SPHKAP: variants seen among roughly 807,000 people sequenced by gnomAD.
SPHKAP encodes A-kinase anchor protein SPHKAP.
In SPHKAP, 67 loss-of-function variants were observed where a neutral mutation model predicts 137.5. The observed-to-expected ratio is 0.49, with a 90% CI of 0.40 to 0.60. SPHKAP has a LOEUF of 0.60. Ranked by LOEUF, SPHKAP falls within the 20% of genes least tolerant of loss-of-function variation. SPHKAP has a pLI of 0.00. For missense variants in SPHKAP, 2,097 were observed against 2,069.3 expected, an observed-to-expected ratio of 1.01 and a Z score of -0.26; for synonymous variants, 813 against 785.3, an observed-to-expected ratio of 1.04 and a Z score of -0.59.
intron 7 of SPHKAP, among the ~76,000 whole-genome samples, chr2:227,999,014 T>C (rs560402144): frequency 1.3e-5 from 2 of 152,342 alleles, no homozygotes; most frequent in South Asian, 2.1e-4. Flanking sequence ...GAATTAGTAC[T>C]GTTATCCGTT....
At chr2:228,072,320 T>C (rs1445990773) in intron 3 of SPHKAP, among the ~76,000 whole-genome samples, 1 of 152,190 alleles carries the variant, frequency 6.6e-6, no homozygotes, top group East Asian at 1.9e-4. Context: ...TTGTCTACTA[T>C]AAGTGTCTAC....
chr2:228,143,517 T>TG (rs533793528), intron 1 of SPHKAP, among the ~76,000 whole-genome samples: 72 of 152,030 alleles, frequency 4.7e-4, no homozygotes, highest in African/African-American at 1.6e-3. Context: ...ATTTTTGAGA[T>TG]GGGGGTCTCA....
At chr2:227,995,397 T>A in intron 8 of SPHKAP, 112 bp downstream of exon 8, 1 of 1,326,956 alleles carries the variant, frequency 7.5e-7, no homozygotes, top group Non-Finnish European at 1.1e-6. Flanking sequence ...TTCCTTTTTT[T>A]GTTCTCTCCT....
Position 228,181,429 on chromosome 2 carries a change from A to T in SPHKAP, c.32+138T>A. On this transcript the variant is annotated intron_variant, in intron 1 of 11. Transcript: ENST00000392056. The surrounding 1 kb of genome is among the most constrained non-coding windows in gnomAD (Gnocchi z 4.3). The stretch of plus-strand genomic sequence containing the variant: ...CAGCGAGGCTGGGCCGGACTTATTT[A>T]CAAGTGCAGTGACCCCTGTCTCCTC... 1 of 1,204,566 alleles carries T rather than the reference A, an allele frequency of 8.3e-7. No homozygotes were observed. Among genetic ancestry groups the T allele is most frequent in the Non-Finnish European group, 1.2e-6 (1 of 815,916 alleles). 74.6% of individuals were successfully genotyped at this position (1,204,566 alleles called of 1,614,324 possible).
chr2:228,089,653 G>A (rs1186869682), intron 3 of SPHKAP, among the ~76,000 whole-genome samples: 1 of 152,194 alleles, frequency 6.6e-6, no homozygotes, highest in Admixed American at 6.5e-5. Flanking sequence ...AGGAAAGAAA[G>A]GCTTCAGGGG....
At chr2:227,990,961 C>A in intron 11 of SPHKAP, 39 bp downstream of exon 11, 1 of 1,602,114 alleles carries the variant, frequency 6.2e-7, no homozygotes, top group Non-Finnish European at 8.5e-7. Context: ...GTGATGAAAA[C>A]ACAAAGCTTT....
In SPHKAP at chr2:228,017,570, G is replaced by T; in HGVS notation, c.3284C>A (p.Ala1095Asp). ...SIPEEDSEAR[A>D]YVNSLGLMST... ...CATTAAGCCCAGGCTGTTGACATAGGCCCTGGCCTCGGAGTCTTCCTCAGG... is the reference window on the plus strand; with the variant it reads ...CATTAAGCCCAGGCTGTTGACATAGTCCCTGGCCTCGGAGTCTTCCTCAGG... Residue 1095 changes from alanine to aspartate, a missense_variant, in exon 7 of 12, where the codon GCC (alanine) becomes GAC (aspartate). Coordinates refer to ENST00000392056, the MANE Select transcript of SPHKAP (RefSeq NM_001142644.2). The T allele has an allele frequency of 6.2e-7, 1 of 1,613,744 alleles. No individual in the cohort carries two copies. Among genetic ancestry groups the T allele is most frequent in the Non-Finnish European group, 8.5e-7 (1 of 1,180,010 alleles).
chr2:228,107,896 G>C (rs1375098841), intron 3 of SPHKAP, among the ~76,000 whole-genome samples: 1 of 152,100 alleles, frequency 6.6e-6, no homozygotes, highest in African/African-American at 2.4e-5. Flanking sequence ...CTAAACAAAG[G>C]GATTGACTTA....
At chr2:228,012,002 A>T (rs1402284386) in intron 7 of SPHKAP, among the ~76,000 whole-genome samples, 1 of 151,904 alleles carries the variant, frequency 6.6e-6, no homozygotes, top group African/African-American at 2.4e-5. Context: ...CTCCATCTCC[A>T]CAAAAAAATT....
At chr2:228,041,495 A>G (rs1217188051) in intron 3 of SPHKAP, among the ~76,000 whole-genome samples, 1 of 151,910 alleles carries the variant, frequency 6.6e-6, no homozygotes, top group African/African-American at 2.4e-5. Context: ...AAATACAAAA[A>G]TTAGCCAGGC....
At position 228,061,736 on chromosome 2, in the gene SPHKAP, T is replaced by TATAC. The variant is rs1553536204; in HGVS notation, c.247-34194_247-34193insGTAT. On this transcript the variant is annotated intron_variant, in intron 3 of 11. Transcript: ENST00000392056. Reference sequence around the variant, plus strand: ...TCTGAATATCCAGGAAATATATATATACACACACACACACACACATACACA... The same window carrying TATAC: ...TCTGAATATCCAGGAAATATATATATATACACACACACACACACACACATACACA... 6.6e-3 allele frequency among the ~76,000 whole-genome samples: 998 copies of TATAC among 151,588 alleles called. 15 individuals are homozygous for TATAC. The highest frequency in any genetic ancestry group is 0.022 in the African/African-American group (912 of 41,306).
chr2:228,171,076 T>C (rs1192659609), intron 1 of SPHKAP, among the ~76,000 whole-genome samples: 1 of 152,130 alleles, frequency 6.6e-6, no homozygotes, highest in African/African-American at 2.4e-5. Flanking sequence ...AGAAATTGTA[T>C]AGACATTATT....
chr2:228,181,584 G>C lies in SPHKAP; in HGVS notation c.15C>G (p.Ser5=). Residue 5 remains serine (S), a synonymous_variant, in exon 1 of 12, where the codon TCC becomes TCG. Coordinates refer to ENST00000392056, the MANE Select transcript of SPHKAP (RefSeq NM_001142644.2). This position sits in a 1 kb window ranked among gnomAD's most constrained non-coding sequence, Gnocchi z 4.3. MDGN[S]LLSVPSNLES... ...GGTCTTACCTTGGTACCGAGAGCAG[G>C]GAGTTGCCATCCATTGTTGGTGGGC... is the stretch of plus-strand genomic sequence containing the variant. 1 of 1,614,202 alleles carries C rather than the reference G, an allele frequency of 6.2e-7. No homozygotes were observed. Among genetic ancestry groups the C allele is most frequent in the Non-Finnish European group, 8.5e-7 (1 of 1,180,024 alleles).
At position 228,043,515 on chromosome 2, in the gene SPHKAP, C is replaced by T. The variant is rs544129779; in HGVS notation, c.247-15972G>A. On this transcript the variant is annotated intron_variant, in intron 3 of 11. Coordinates refer to ENST00000392056, the MANE Select transcript of SPHKAP (RefSeq NM_001142644.2). ...CTAATTTTTGTATTTTTAGTAGAGA[C>T]AGGGTTTCACCATGTTGGTCAGGCT... Among the ~76,000 whole-genome samples the T allele has an allele frequency of 2.1e-4, 32 of 152,224 alleles. 1 individual carries two copies. In the Middle Eastern group the frequency reaches 0.014, roughly 65 times the overall value.
rs148708203 is a variant in SPHKAP, at chr2:228,043,208, T to A, written c.247-15665A>T. Among the ~76,000 whole-genome samples the A allele has an allele frequency of 7.6e-4, 116 of 152,352 alleles. 1 individual carries two copies. The highest frequency in any genetic ancestry group is 3.4e-3 in the Middle Eastern group (1 of 294). ...CAGAATGAGCAAATGCCAGCTTGTATGTACAGATCAAACCCGTGAATCCAA... is the reference window on the plus strand; with the variant it reads ...CAGAATGAGCAAATGCCAGCTTGTAAGTACAGATCAAACCCGTGAATCCAA... On this transcript the variant is annotated intron_variant, in intron 3 of 11. Coordinates refer to ENST00000392056, the MANE Select transcript of SPHKAP (RefSeq NM_001142644.2).
intron 11 of SPHKAP, among the ~76,000 whole-genome samples, chr2:227,984,299 CAAAAAAAAA>C (rs61461358): frequency 1.9e-5 from 1 of 52,838 alleles, no homozygotes. Context: ...GACTCCATCT[CAAAAAAAAA>C]AAAAAAAAAA....
intron 2 of SPHKAP, among the ~76,000 whole-genome samples, chr2:228,122,687 A>C (rs7594151): frequency 6.6e-6 from 1 of 152,094 alleles, no homozygotes; most frequent in Non-Finnish European, 1.5e-5. Context: ...GCCATTCTTG[A>C]CCTGCTTTTG....
In SPHKAP at chr2:228,017,045, T is replaced by C; in HGVS notation, c.3809A>G (p.Asp1270Gly). 1 of 1,613,872 alleles carries C rather than the reference T, an allele frequency of 6.2e-7. No homozygotes were observed. Among genetic ancestry groups the C allele is most frequent in the Non-Finnish European group, 8.5e-7 (1 of 1,179,970 alleles). ...ACTGACCGGCTGCACGCTTAGGAAATCTTGTGGGCAGTTCTGAGCAAAGCC... is the reference window on the plus strand; with the variant it reads ...ACTGACCGGCTGCACGCTTAGGAAACCTTGTGGGCAGTTCTGAGCAAAGCC... ...LDGFAQNCPQDFLSVQPVSSA... is the reference protein window; with the variant it reads ...LDGFAQNCPQGFLSVQPVSSA... The change falls in exon 7 of 12, where the codon GAT becomes GGT. Residue 1270 changes from aspartate to glycine, a missense_variant. Transcript: ENST00000392056.
intron 7 of SPHKAP, among the ~76,000 whole-genome samples, chr2:228,010,517 G>C (rs142261614): frequency 2.9e-4 from 44 of 152,310 alleles, no homozygotes; most frequent in Non-Finnish European, 4.1e-4. Flanking sequence ...GGGTGACAGA[G>C]CGAAACTCCA....
Sources: gnomAD v4.1 joint callset for allele counts (sites outside exome capture counted in the v4.1 genomes callset) on GRCh38, gnomAD v4.1.1 for gene constraint, Gnocchi (gnomAD v3.1) non-coding constraint, MANE v1.5 for transcripts, NCBI Gene and HGNC (gene_info 2026-07-23, HGNC 2026-07-21) for gene names.